The following SLCO5A1 variants were observed in gnomAD, a reference collection of about 807,000 sequenced individuals.
The protein encoded by SLCO5A1 is solute carrier organic anion transporter family member 5A1.
In SLCO5A1, 39 loss-of-function variants were observed where a neutral mutation model predicts 65.1. The ratio of observed to expected loss-of-function variants is 0.60; its 90% CI spans 0.46 to 0.78. SLCO5A1 has a LOEUF of 0.78. SLCO5A1 is among the 30% of genes least tolerant of loss of function. SLCO5A1 has a pLI of 0.00. For synonymous variants in SLCO5A1, 438 were observed against 415.7 expected, an observed-to-expected ratio of 1.05 and a Z score of -0.65; for missense variants, 1,029 against 1,069.4, an observed-to-expected ratio of 0.96 and a Z score of 0.53.
chr8:69,790,975 T>A (rs896958740), intron 2 of SLCO5A1, among the ~76,000 whole-genome samples: 2 of 152,028 alleles, frequency 1.3e-5, no homozygotes, highest in African/African-American at 4.8e-5. Flanking sequence ...AGGACTGCCA[T>A]TGTACAAACA....
intron 2 of SLCO5A1, among the ~76,000 whole-genome samples, chr8:69,811,514 C>T (rs1262233213): frequency 1.3e-5 from 2 of 152,152 alleles, no homozygotes; most frequent in African/African-American, 4.8e-5. Context: ...GCCAAGAACA[C>T]TCTGGTGTAA....
At chr8:69,722,111 G>T (rs1188571067) in intron 5 of SLCO5A1, among the ~76,000 whole-genome samples, 1 of 152,050 alleles carries the variant, frequency 6.6e-6, no homozygotes, top group Admixed American at 6.5e-5. Context: ...GGCGGAGGTT[G>T]CAGTGAGCTG....
chr8:69,696,218 C>T (rs575513635), intron 6 of SLCO5A1, among the ~76,000 whole-genome samples: 11 of 152,294 alleles, frequency 7.2e-5, no homozygotes, highest in African/African-American at 2.2e-4. Context: ...CTGTGCTTTC[C>T]GTTCCCTTCT....
rs573472646 is a variant in SLCO5A1 at position 69,668,391 on chromosome 8, C to A, written c.*4478G>T. 4 of 152,314 alleles carry A rather than the reference C, an allele frequency of 2.6e-5. No homozygotes were observed. The highest frequency in any genetic ancestry group is 2.6e-4 in the Admixed American group (4 of 15,294). The allele number at this position is 152,314 out of a possible 1,614,324, so 9.4% of individuals were successfully genotyped here. A position where few individuals can be genotyped will look rare whatever the true frequency, so the allele number is the denominator to read the frequency against. The stretch of plus-strand genomic sequence containing the variant: ...GTATAACAGAGAACTAGCAAACCTG[C>A]AGTTTAGGCAATTCTGGGATTATAC... On this transcript the variant is annotated 3_prime_UTR_variant, in exon 10 of 10. Transcript: ENST00000260126.
In SLCO5A1 at chr8:69,738,213, T is replaced by G; in HGVS notation, c.1259-9A>C. On this transcript the variant is annotated splice_polypyrimidine_tract_variant and intron_variant, in intron 4 of 9. Coordinates refer to ENST00000260126, the MANE Select transcript of SLCO5A1 (RefSeq NM_030958.3). The stretch of plus-strand genomic sequence containing the variant: ...AGCTGCTCTTGGTAGGTCTACAAAA[T>G]GACAAAAATGACAAATGAATGTTAT... 6.3e-7 allele frequency: 1 copy of G among 1,581,172 alleles called. No homozygotes were observed.
At chr8:69,686,216 A>G (rs1813993251) in intron 6 of SLCO5A1, among the ~76,000 whole-genome samples, 1 of 140,394 alleles carries the variant, frequency 7.1e-6, no homozygotes, top group Admixed American at 6.9e-5. Flanking sequence ...GACTAAAAGA[A>G]CATGCTTCAC....
chr8:69,747,835 A>C (rs1817109247), intron 4 of SLCO5A1, among the ~76,000 whole-genome samples: 1 of 152,192 alleles, frequency 6.6e-6, no homozygotes, highest in South Asian at 2.1e-4. Context: ...ATGGCCTGTG[A>C]ATCTTGCATG....
At chr8:69,784,851 G>C (rs1010626588) in intron 2 of SLCO5A1, among the ~76,000 whole-genome samples, 4 of 125,240 alleles carry the variant, frequency 3.2e-5, no homozygotes, top group African/African-American at 1.2e-4. Flanking sequence ...AAGAAAGAAA[G>C]AAAGAAAGAA....
chr8:69,818,748 C>G (rs1398770261), intron 2 of SLCO5A1, among the ~76,000 whole-genome samples: 1 of 152,148 alleles, frequency 6.6e-6, no homozygotes, highest in Non-Finnish European at 1.5e-5. Flanking sequence ...GACCACCACA[C>G]AGCTGATCAA....
chr8:69,825,453 A>G lies in SLCO5A1; in HGVS notation c.907+6314T>C, dbSNP rs1484362722. ...AAGTCTCAGGATACAAAATCAATGTACAAAAATCACAAGCATTCTTATACA... is the reference window on the plus strand; with the variant it reads ...AAGTCTCAGGATACAAAATCAATGTGCAAAAATCACAAGCATTCTTATACA... On this transcript the variant is annotated intron_variant, in intron 2 of 9. Transcript: ENST00000260126. 6.6e-5 allele frequency among the ~76,000 whole-genome samples: 10 copies of G among 152,294 alleles called. No individual in the cohort carries two copies. The East Asian group carries it at 7.7e-4, about 12-fold the overall frequency.
chr8:69,691,301 C>T (rs1814249820), intron 6 of SLCO5A1, among the ~76,000 whole-genome samples: 1 of 152,190 alleles, frequency 6.6e-6, no homozygotes, highest in Non-Finnish European at 1.5e-5. Flanking sequence ...AATGAAAACT[C>T]ATCAGATTTT....
intron 2 of SLCO5A1, chr8:69,794,550 G>C (rs901986741): frequency 2.0e-5 from 7 of 357,254 alleles, no homozygotes; most frequent in African/African-American, 1.5e-4. Context: ...ATGTGGATCA[G>C]GATTTGTCAT....
intron 2 of SLCO5A1, among the ~76,000 whole-genome samples, chr8:69,813,010 A>T (rs930416696): frequency 6.6e-6 from 1 of 152,228 alleles, no homozygotes; most frequent in Non-Finnish European, 1.5e-5. Context: ...AACACCAGAG[A>T]CATAAGCAAA....
At chr8:69,700,068 C>T (rs888083156) in intron 6 of SLCO5A1, among the ~76,000 whole-genome samples, 2 of 152,158 alleles carry the variant, frequency 1.3e-5, no homozygotes, top group Admixed American at 1.3e-4. Flanking sequence ...GGCACTCCAG[C>T]CTGAATGACA....
At chr8:69,824,603 A>G (rs1586839390) in intron 2 of SLCO5A1, among the ~76,000 whole-genome samples, 4 of 152,354 alleles carry the variant, frequency 2.6e-5, no homozygotes, top group African/African-American at 9.6e-5. Context: ...TGAATAGACC[A>G]ATAACAGGAG....
intron 4 of SLCO5A1, among the ~76,000 whole-genome samples, chr8:69,750,048 A>G (rs754779617): frequency 6.6e-6 from 1 of 152,206 alleles, no homozygotes; most frequent in Non-Finnish European, 1.5e-5. Context: ...ACCAACAATG[A>G]GCCCAGTGGG....
chr8:69,815,685 C>CACACACACACAAA (rs1554529390), intron 2 of SLCO5A1, among the ~76,000 whole-genome samples: 5 of 147,086 alleles, frequency 3.4e-5, no homozygotes, highest in African/African-American at 1.3e-4. Context: ...CACACACACA[C>CACACACACACAAA]ACACAAAATT....
chr8:69,694,333 G>A lies in SLCO5A1; in HGVS notation c.1622+10698C>T, dbSNP rs1480398731. ...TAAAACATAGATAATAATATAAACA[G>A]TAGAGGGATGTTGTAAGCATAAGAC... is the stretch of plus-strand genomic sequence containing the variant. On this transcript the variant is annotated intron_variant, in intron 6 of 9. Coordinates refer to ENST00000260126, the MANE Select transcript of SLCO5A1 (RefSeq NM_030958.3). 3.3e-5 allele frequency among the ~76,000 whole-genome samples: 5 copies of A among 152,292 alleles called. No homozygotes were observed. The East Asian group carries it at 9.6e-4, about 29-fold the overall frequency.
intron 2 of SLCO5A1, among the ~76,000 whole-genome samples, chr8:69,769,383 A>G (rs1044021131): frequency 2.6e-5 from 4 of 152,200 alleles, no homozygotes; most frequent in African/African-American, 7.2e-5. Context: ...CCCAAAACCT[A>G]AAATACTGAA....
Sources: allele counts gnomAD v4.1 joint callset (sites outside exome capture counted in the v4.1 genomes callset), GRCh38; gene constraint gnomAD v4.1.1; transcripts MANE v1.5; gene names NCBI Gene and HGNC (gene_info 2026-07-23, HGNC 2026-07-21).